Variants in GSTCD observed in about 807,000 individuals in gnomAD.
GSTCD encodes glutathione S-transferase C-terminal domain-containing protein.
GSTCD carries 44 observed loss-of-function variants against 68.3 expected under a neutral mutation model. That is an observed-to-expected ratio of 0.64 (90% CI 0.51 to 0.83). The LOEUF (loss-of-function observed/expected upper bound fraction) is 0.83, where lower values mean the gene tolerates loss of function less well. GSTCD is among the 40% of genes least tolerant of loss of function. The pLI, the probability that GSTCD is intolerant of heterozygous loss-of-function variation, is 0.00. For missense variants in GSTCD, 739 were observed against 735.9 expected (o/e 1.00, Z -0.05); for synonymous variants, 273 against 255.2 (o/e 1.07, Z -0.67).
intron 10 of GSTCD, chr4:105,840,268 C>A: frequency 2.3e-6 from 1 of 442,416 alleles, no homozygotes; most frequent in Non-Finnish European, 4.5e-6. Context: ...ACAAAGTGCA[C>A]ACTGTTTCTT....
intron 5 of GSTCD, among the ~76,000 whole-genome samples, chr4:105,780,991 A>G (rs1462096630): frequency 6.6e-6 from 1 of 152,164 alleles, no homozygotes; most frequent in Non-Finnish European, 1.5e-5. Context: ...TATCCTAGCT[A>G]CTTAATCTCA....
intron 9 of GSTCD, 43 bp from the exon 10 acceptor site, chr4:105,837,814 CTT>C (rs749819749): frequency 1.2e-6 from 1 of 805,868 alleles, no homozygotes; most frequent in African/African-American, 1.8e-5. Flanking sequence ...TTATCTTACT[CTT>C]AATATTTAGA....
intron 5 of GSTCD, among the ~76,000 whole-genome samples, chr4:105,816,225 GA>G (rs1722975598): frequency 6.6e-6 from 1 of 152,098 alleles, no homozygotes; most frequent in Non-Finnish European, 1.5e-5. Context: ...ATGGAAGGGT[GA>G]AAGGTGCATG....
intron 5 of GSTCD, among the ~76,000 whole-genome samples, chr4:105,751,656 A>C (rs1236968679): frequency 1.3e-5 from 2 of 152,150 alleles, no homozygotes; most frequent in Non-Finnish European, 2.9e-5. Flanking sequence ...AGCCTGGCTG[A>C]TAGTTTATCC....
chr4:105,791,318 G>C (rs1418382753), intron 5 of GSTCD, among the ~76,000 whole-genome samples: 1 of 151,348 alleles, frequency 6.6e-6, no homozygotes, highest in Non-Finnish European at 1.5e-5. Context: ...GCGTGAACCT[G>C]GGAGGCGGAG....
intron 1 of GSTCD, among the ~76,000 whole-genome samples, chr4:105,715,483 A>G (rs1246724941): frequency 6.6e-6 from 1 of 152,072 alleles, no homozygotes; most frequent in East Asian, 1.9e-4. Context: ...AAGAAGTAAC[A>G]AATCATGGTA....
intron 8 of GSTCD, among the ~76,000 whole-genome samples, chr4:105,826,725 A>G (rs1447842477): frequency 2.0e-5 from 3 of 152,036 alleles, no homozygotes; most frequent in East Asian, 1.9e-4. Flanking sequence ...TTATAATGCA[A>G]TTATTACTAT....
chr4:105,727,040 A>G (rs1356466302), intron 4 of GSTCD, among the ~76,000 whole-genome samples: 2 of 150,554 alleles, frequency 1.3e-5, no homozygotes, highest in African/African-American at 4.9e-5. Context: ...GTATTTTTGG[A>G]GCCAAGTAAG....
At chr4:105,787,840 T>C (rs1735523100) in intron 5 of GSTCD, among the ~76,000 whole-genome samples, 1 of 152,130 alleles carries the variant, frequency 6.6e-6, no homozygotes. Context: ...AGAAATTATG[T>C]AAAGCACGAT....
chr4:105,786,988 A>G (rs1313536976), intron 5 of GSTCD, among the ~76,000 whole-genome samples: 10 of 152,116 alleles, frequency 6.6e-5, no homozygotes, highest in African/African-American at 2.2e-4. Flanking sequence ...CTCTATGTTT[A>G]CACCCACGAG....
chr4:105,811,811 T>C (rs1722765432), intron 5 of GSTCD, among the ~76,000 whole-genome samples: 1 of 152,158 alleles, frequency 6.6e-6, no homozygotes, highest in Non-Finnish European at 1.5e-5. Context: ...AGACTTTAGA[T>C]CTGAGTGTTT....
intron 6 of GSTCD, 73 bp from the exon 7 acceptor site, chr4:105,823,158 A>G (rs1723397985): frequency 6.3e-7 from 1 of 1,586,020 alleles, no homozygotes; most frequent in Admixed American, 1.7e-5. Context: ...TTTATTTGGC[A>G]AGATTGTGGT....
At chr4:105,797,045 CATGTGTGT>C (rs1393586817) in intron 5 of GSTCD, among the ~76,000 whole-genome samples, 21 of 140,432 alleles carry the variant, frequency 1.5e-4, no homozygotes, top group African/African-American at 2.1e-4. Context: ...GACAGAGATA[CATGTGTGT>C]GTGTGTGTGT....
intron 5 of GSTCD, among the ~76,000 whole-genome samples, chr4:105,736,820 G>A (rs1223285828): frequency 6.6e-6 from 1 of 152,118 alleles, no homozygotes; most frequent in East Asian, 1.9e-4. Context: ...ATTTGGAAGT[G>A]AGAACATGTG....
intron 5 of GSTCD, among the ~76,000 whole-genome samples, chr4:105,758,789 A>G (rs1734290405): frequency 6.6e-6 from 1 of 152,200 alleles, no homozygotes; most frequent in Non-Finnish European, 1.5e-5. Context: ...TTATTTTACC[A>G]TCAGCAATGT....
At chr4:105,800,467 C>T (rs1246985312) in intron 5 of GSTCD, among the ~76,000 whole-genome samples, 1 of 152,122 alleles carries the variant, frequency 6.6e-6, no homozygotes, top group Non-Finnish European at 1.5e-5. Flanking sequence ...CCTGATGTCA[C>T]TGATTTTGGG....
At chr4:105,751,188 T>C (rs1578436174) in intron 5 of GSTCD, among the ~76,000 whole-genome samples, 1 of 152,176 alleles carries the variant, frequency 6.6e-6, no homozygotes, top group African/African-American at 2.4e-5. Context: ...GATGTCACCA[T>C]TGGGGAAGCT....
Position 105,845,899 on chromosome 4 carries a change from C to T in GSTCD, c.*322C>T. ...CACTTCACAAGCTCCTCTGATCTTG[C>T]CAATGTGATGTTTAATTCAAAACAG... is the stretch of plus-strand genomic sequence containing the variant. On this transcript the variant is annotated 3_prime_UTR_variant, in exon 12 of 12. Coordinates refer to ENST00000515279, the MANE Select transcript of GSTCD (RefSeq NM_001370181.1). 1 of 248,468 alleles carries T rather than the reference C, an allele frequency of 4.0e-6. No individual in the cohort carries two copies. Among genetic ancestry groups the T allele is most frequent in the East Asian group, 7.5e-5 (1 of 13,368 alleles). The allele number at this position is 248,468 out of a possible 1,614,324, so 15.4% of individuals were successfully genotyped here.
chr4:105,769,174 C>T (rs1734733566), intron 5 of GSTCD, among the ~76,000 whole-genome samples: 1 of 151,416 alleles, frequency 6.6e-6, no homozygotes, highest in Non-Finnish European at 1.5e-5. Flanking sequence ...TATTTTCAAT[C>T]ATTTCTATTT....
Sources: allele counts gnomAD v4.1 joint callset (sites outside exome capture counted in the v4.1 genomes callset), GRCh38; gene constraint gnomAD v4.1.1; transcripts MANE v1.5; gene names NCBI Gene and HGNC (gene_info 2026-07-23, HGNC 2026-07-21).